ASB5: variants seen among roughly 807,000 people sequenced by gnomAD.
ASB5 encodes ankyrin repeat and SOCS box protein 5.
ASB5 carries 45 observed loss-of-function variants against 42.1 expected under a neutral mutation model. That is an observed-to-expected ratio of 1.07 (90% CI 0.84 to 1.37). ASB5 has a LOEUF of 1.37. Among genes scored for constraint, ASB5 ranks in the 40% most tolerant of loss-of-function variants. The probability of loss-of-function intolerance (pLI) is 0.00; values close to 1 mark genes in which losing one functional copy is unlikely to be tolerated. For synonymous variants in ASB5, 147 were observed against 150.6 expected, an observed-to-expected ratio of 0.98 and a Z score of 0.18; for missense variants, 402 against 399.8, an observed-to-expected ratio of 1.01 and a Z score of -0.05.
Position 176,214,107 on chromosome 4 carries a change from T to C in ASB5, c.*1493A>G, listed in dbSNP as rs1458030508. On this transcript the variant is annotated 3_prime_UTR_variant, in exon 7 of 7. Coordinates refer to ENST00000296525, the MANE Select transcript of ASB5 (RefSeq NM_080874.4). ...TGAATATGCTACAGCTTTATTTCTA[T>C]GTTTGAAAATCTCAACAAACGTTTT... The C allele has an allele frequency of 6.6e-6, 1 of 152,186 alleles. No individual in the cohort carries two copies. Among genetic ancestry groups the C allele is most frequent in the Admixed American group, 6.5e-5 (1 of 15,268 alleles). The allele number at this position is 152,186 out of a possible 1,614,324, so 9.4% of individuals were successfully genotyped here. A position where few individuals can be genotyped will look rare whatever the true frequency, so the allele number is the denominator to read the frequency against.
chr4:176,276,353 T>C (rs917867575), intron 1 of ASB5, among the ~76,000 whole-genome samples: 2 of 152,186 alleles, frequency 1.3e-5, no homozygotes, highest in African/African-American at 2.4e-5. Context: ...CAACTTCCAA[T>C]AGTACCATAC....
intron 1 of ASB5, among the ~76,000 whole-genome samples, chr4:176,239,516 C>T (rs1753767502): frequency 6.6e-6 from 1 of 151,802 alleles, no homozygotes; most frequent in Admixed American, 6.6e-5. Flanking sequence ...TTTTAGACAC[C>T]GTATATTATA....
intron 1 of ASB5, 44 bp downstream of exon 1, chr4:176,268,869 A>C: frequency 7.0e-7 from 1 of 1,438,174 alleles, no homozygotes; most frequent in Non-Finnish European, 9.3e-7. Flanking sequence ...ATCAGATGAA[A>C]GTTAAACTCC....
At chr4:176,254,939 G>C (rs1227843521) in intron 1 of ASB5, among the ~76,000 whole-genome samples, 1 of 152,126 alleles carries the variant, frequency 6.6e-6, no homozygotes, top group African/African-American at 2.4e-5. Context: ...AGACCAGCCT[G>C]ACCAACATGG....
intron 2 of ASB5, among the ~76,000 whole-genome samples, 166 bp from the exon 3 acceptor site, chr4:176,222,586 G>T (rs1462583068): frequency 6.6e-6 from 1 of 152,136 alleles, no homozygotes; most frequent in Non-Finnish European, 1.5e-5. Context: ...GGGTCAATCC[G>T]TTGTTCAGAC....
intron 1 of ASB5, among the ~76,000 whole-genome samples, chr4:176,257,164 T>C (rs1228189083): frequency 1.3e-5 from 2 of 152,176 alleles, no homozygotes; most frequent in Non-Finnish European, 2.9e-5. Context: ...TGTTGTGTGC[T>C]GGAGGTTAAG....
Position 176,215,266 on chromosome 4 carries a change from A to C in ASB5, c.*334T>G. 6.2e-6 allele frequency: 1 copy of C among 162,300 alleles called. No homozygotes were observed. Among genetic ancestry groups the C allele is most frequent in the Admixed American group, 6.4e-5 (1 of 15,660 alleles). 10.1% of individuals were successfully genotyped at this position (162,300 alleles called of 1,614,324 possible). A position where few individuals can be genotyped will look rare whatever the true frequency, so the allele number is the denominator to read the frequency against. On this transcript the variant is annotated 3_prime_UTR_variant, in exon 7 of 7. Transcript: ENST00000296525. ...TAGTTGAAGAACATAGACCTTTTTA[A>C]ATATAATATGAATAACTTTACTAGG...
chr4:176,222,532 A>C, intron 2 of ASB5, 112 bp from the exon 3 acceptor site: 1 of 991,818 alleles, frequency 1.0e-6, no homozygotes. Flanking sequence ...ATCTCAGGCA[A>C]ACGAGTTTCC....
At chr4:176,231,716 C>T (rs6857521) in intron 1 of ASB5, among the ~76,000 whole-genome samples, 105,463 of 150,156 alleles carry the variant, frequency 0.7, 37,426 homozygotes, top group African/African-American at 0.79. Context: ...TGGTGGCATG[C>T]CCCTGTAAAT....
chr4:176,220,998 G>A (rs559550409), intron 5 of ASB5, among the ~76,000 whole-genome samples, 157 bp downstream of exon 5: 28 of 152,280 alleles, frequency 1.8e-4, no homozygotes, highest in African/African-American at 6.7e-4. Flanking sequence ...TATCAAGAAT[G>A]AGGTTCTTTT....
At chr4:176,241,799 G>A (rs1753816978) in intron 1 of ASB5, 3 of 552,980 alleles carry the variant, frequency 5.4e-6, no homozygotes, top group African/African-American at 2.0e-5. Context: ...AAGGTTGCTG[G>A]GAAACTACAG....
chr4:176,240,487 C>A (rs1032979352), intron 1 of ASB5, among the ~76,000 whole-genome samples: 1 of 152,056 alleles, frequency 6.6e-6, no homozygotes, highest in Non-Finnish European at 1.5e-5. Flanking sequence ...AAGAAGGGCA[C>A]TGGAAACCAT....
intron 1 of ASB5, among the ~76,000 whole-genome samples, chr4:176,249,118 C>T (rs1753968514): frequency 6.6e-6 from 1 of 152,190 alleles, no homozygotes; most frequent in Non-Finnish European, 1.5e-5. Context: ...AGGCGTGGGC[C>T]ACCACACCCG....
intron 1 of ASB5, among the ~76,000 whole-genome samples, chr4:176,252,698 A>C (rs531855388): frequency 6.8e-4 from 104 of 152,360 alleles, no homozygotes; most frequent in African/African-American, 2.5e-3. Context: ...ATTGCAATCC[A>C]ATACAGATAT....
intron 1 of ASB5, among the ~76,000 whole-genome samples, chr4:176,230,639 G>C (rs1454526395): frequency 6.6e-6 from 1 of 152,076 alleles, no homozygotes; most frequent in Non-Finnish European, 1.5e-5. Flanking sequence ...TATGAACTAA[G>C]TTTTCACACC....
chr4:176,233,519 C>G (rs140334836), intron 1 of ASB5, among the ~76,000 whole-genome samples: 5 of 152,242 alleles, frequency 3.3e-5, no homozygotes, highest in Non-Finnish European at 7.4e-5. Context: ...ACAGTGTTAC[C>G]ATTTCCCTCC....
intron 1 of ASB5, among the ~76,000 whole-genome samples, chr4:176,253,695 G>C (rs907443824): frequency 3.9e-5 from 6 of 152,098 alleles, no homozygotes; most frequent in Non-Finnish European, 8.8e-5. Flanking sequence ...AAAGTTTCAG[G>C]ATACAAAATT....
Position 176,241,027 on chromosome 4 carries a change from A to T in ASB5, c.197-15686T>A, listed in dbSNP as rs185145141. ...GTTAGTCTTGTTTCAACTATAACTC[A>T]CCCACTTTCCCACAAAAACTCCTAG... On this transcript the variant is annotated intron_variant, in intron 1 of 6. Coordinates refer to ENST00000296525, the MANE Select transcript of ASB5 (RefSeq NM_080874.4). Among the ~76,000 whole-genome samples the T allele has an allele frequency of 4.9e-4, 74 of 152,242 alleles. 2 individuals are homozygous for T. The highest frequency in any genetic ancestry group is 4.2e-3 in the Admixed American group (64 of 15,284).
upstream of ASB5, among the ~76,000 whole-genome samples, chr4:176,271,675 T>C (rs1754470601): frequency 6.6e-6 from 1 of 152,112 alleles, no homozygotes; most frequent in African/African-American, 2.4e-5. Flanking sequence ...TTATTGAGGG[T>C]ACGTTGGATG....
Sources: allele counts gnomAD v4.1 joint callset (sites outside exome capture counted in the v4.1 genomes callset), GRCh38; gene constraint gnomAD v4.1.1; transcripts MANE v1.5; gene names NCBI Gene and HGNC (gene_info 2026-07-23, HGNC 2026-07-21).